BRME1: variants seen among roughly 807,000 people sequenced by gnomAD.
BRME1 encodes BRCA2 and MEILB2-associating protein 1.
BRME1 carries 31 observed loss-of-function variants against 52.6 expected under a neutral mutation model. The observed-to-expected ratio is 0.59, with a 90% confidence interval of 0.44 to 0.80. The LOEUF is 0.80. Ranked by LOEUF, BRME1 falls within the 30% of genes least tolerant of loss-of-function variation. The pLI is 0.00. For missense variants in BRME1, 804 were observed against 860.3 expected (o/e 0.93, Z 0.82); for synonymous variants, 359 against 353.6 (o/e 1.02, Z -0.17).
intron 3 of BRME1, among the ~76,000 whole-genome samples, chr19:13,893,760 T>C (rs1969685641): frequency 6.6e-6 from 1 of 151,800 alleles, no homozygotes; most frequent in African/African-American, 2.4e-5. Flanking sequence ...CTACAAAAAA[T>C]TTAAAAATTA....
At chr19:13,900,760 C>T (rs1278251991) in intron 2 of BRME1, among the ~76,000 whole-genome samples, 1 of 151,758 alleles carries the variant, frequency 6.6e-6, no homozygotes, top group South Asian at 2.1e-4. Context: ...AATCTCAGCT[C>T]TCCTGGGCTC....
In BRME1 at chr19:13,888,246, A is replaced by T. The variant is rs986292932; in HGVS notation, c.1668+942T>A. On this transcript the variant is annotated intron_variant, in intron 6 of 8. Coordinates refer to ENST00000586783, the MANE Select transcript of BRME1 (RefSeq NM_001345843.2). The surrounding 1 kb of genome is among the most constrained non-coding windows in gnomAD (Gnocchi z 4.1). Reference sequence around the variant, plus strand: ...TTTTTTAACATCTCAACACAGGGACAGCCAAAGAAACAGAGGCTGACATTT... The same window carrying T: ...TTTTTTAACATCTCAACACAGGGACTGCCAAAGAAACAGAGGCTGACATTT... The T allele has an allele frequency of 6.6e-6, 1 of 151,580 alleles. No homozygotes were observed. Among genetic ancestry groups the T allele is most frequent in the Non-Finnish European group, 1.5e-5 (1 of 67,946 alleles). The allele number at this position is 151,580 out of a possible 1,614,324, so 9.4% of individuals were successfully genotyped here.
chr19:13,891,696 T>C (rs1485788733), intron 5 of BRME1, among the ~76,000 whole-genome samples: 1 of 147,852 alleles, frequency 6.8e-6, no homozygotes, highest in East Asian at 2.1e-4. Context: ...CTTGAATGCC[T>C]GGGCTCAAGT....
chr19:13,882,538 C>T lies in BRME1; in HGVS notation c.*264G>A. 1 of 538,694 alleles carries T rather than the reference C, an allele frequency of 1.9e-6. No homozygotes were observed. Among genetic ancestry groups the T allele is most frequent in the Non-Finnish European group, 3.2e-6 (1 of 308,598 alleles). The allele number at this position is 538,694 out of a possible 1,614,324, so 33.4% of individuals were successfully genotyped here. A position where few individuals can be genotyped will look rare whatever the true frequency, so the allele number is the denominator to read the frequency against. On this transcript the variant is annotated 3_prime_UTR_variant, in exon 9 of 9. Coordinates refer to ENST00000586783, the MANE Select transcript of BRME1 (RefSeq NM_001345843.2). ...ATGGGCCCTGCTCAGAGGTGGCCAG[C>T]TTCCTGGAGCCCAGGCCCGCTTGAA...
At chr19:13,890,682 T>C (rs2145156051) in intron 5 of BRME1, among the ~76,000 whole-genome samples, 1 of 152,162 alleles carries the variant, frequency 6.6e-6, no homozygotes, top group South Asian at 2.1e-4. Flanking sequence ...CTGGCCAAAA[T>C]GGTGAAACCC....
chr19:13,886,154 G>A (rs1000566290), intron 6 of BRME1, 99 bp from the exon 7 acceptor site: 12 of 949,806 alleles, frequency 1.3e-5, no homozygotes, highest in Admixed American at 2.1e-5. Flanking sequence ...GCTTCACCGC[G>A]GCCACAGCAG....
chr19:13,890,834 A>G (rs1243659669), intron 5 of BRME1, among the ~76,000 whole-genome samples: 1 of 152,084 alleles, frequency 6.6e-6, no homozygotes, highest in Non-Finnish European at 1.5e-5. Flanking sequence ...ACTGCACTCC[A>G]GCCTGGACGA....
chr19:13,889,683 A>G lies in BRME1; in HGVS notation c.1173T>C (p.Thr391=), dbSNP rs777989654. 6.2e-7 allele frequency: 1 copy of G among 1,610,208 alleles called. No homozygotes were observed. Among genetic ancestry groups the G allele is most frequent in the South Asian group, 1.1e-5 (1 of 90,822 alleles). The change falls in exon 6 of 9, where the codon ACT becomes ACC. Residue 391 remains threonine (T), a synonymous_variant. Coordinates refer to ENST00000586783, the MANE Select transcript of BRME1 (RefSeq NM_001345843.2). ...CCCCACTTTCTCCTGTGGTTTCCCC[A>G]GTGAGCGAGGTGCAGCCTGGCAAGG... ...RRALPGCTSL[T]GETTGESGEA...
In BRME1 at chr19:13,891,169, G is replaced by T. The variant is rs926509510; in HGVS notation, c.394-707C>A. ...ATTATTATTATTATTATTATTATTA[G>T]ACAGAGTTTCACTCTTGTTGCCCAG... is the stretch of plus-strand genomic sequence containing the variant. On this transcript the variant is annotated intron_variant, in intron 5 of 8. Transcript: ENST00000586783. Among the ~76,000 whole-genome samples, 8 of 98,386 alleles carry T rather than the reference G, an allele frequency of 8.1e-5. No individual in the cohort carries two copies. The South Asian group carries it at 1.3e-3, about 16-fold the overall frequency. 64.5% of individuals were successfully genotyped at this position (98,386 alleles called of 152,430 possible).
rs750773328 is a variant in BRME1, at chr19:13,893,206, G to A, written c.224C>T (p.Thr75Ile). Residue 75 changes from threonine to isoleucine, a missense_variant, in exon 4 of 9, where the codon ACA becomes ATA. Thr to Ile is a moderately conservative substitution (Grantham distance 89, BLOSUM62 -1). This residue lies in a region of BRME1 where 234 missense variants were observed against 258.1 expected (regional missense o/e 0.91). Coordinates refer to ENST00000586783, the MANE Select transcript of BRME1 (RefSeq NM_001345843.2). ...ACGGAGGAGCCGGCAGGGAGATCCT[G>A]TTTCCTCATCAGGGGAGCTATGTAG... ...KAVSSSPDEE[T>I]GSPCRLLRQP... 5.0e-6 allele frequency: 8 copies of A among 1,585,854 alleles called. 1 individual carries two copies. In the South Asian group the frequency reaches 9.3e-5, roughly 18 times the overall value.
chr19:13,897,991 T>C (rs1311539489), intron 2 of BRME1, among the ~76,000 whole-genome samples: 1 of 151,616 alleles, frequency 6.6e-6, no homozygotes, highest in Admixed American at 6.6e-5. Context: ...CCCAGCTACT[T>C]GGGAGGCTGA....
Position 13,886,072 on chromosome 19 carries a change from A to G in BRME1, c.1669-17T>C, listed in dbSNP as rs1176543699. The G allele has an allele frequency of 1.9e-6, 3 of 1,611,506 alleles. No individual in the cohort carries two copies. The highest frequency in any genetic ancestry group is 4.5e-5 in the East Asian group (2 of 44,872). On this transcript the variant is annotated splice_polypyrimidine_tract_variant and intron_variant, in intron 6 of 8. Transcript: ENST00000586783. ...AGGAAAGAGCTGGAAAGAGAGCACA[A>G]GGTGTGAGTGGTCGAGGCCTGGGTC...
intron 6 of BRME1, among the ~76,000 whole-genome samples, chr19:13,887,183 C>G (rs998105599): frequency 6.6e-6 from 1 of 152,228 alleles, no homozygotes; most frequent in Non-Finnish European, 1.5e-5. Context: ...GCTGAGACGG[C>G]CCGCTCGATC....
At chr19:13,892,718 G>A in intron 5 of BRME1, 68 bp downstream of exon 5, 1 of 1,310,738 alleles carries the variant, frequency 7.6e-7, no homozygotes, top group Non-Finnish European at 1.1e-6. Flanking sequence ...GGTTAAATGG[G>A]GCTGCCGAGG....
At position 13,889,850 on chromosome 19, in the gene BRME1, T is replaced by C; in HGVS notation, c.1006A>G (p.Met336Val). The change falls in exon 6 of 9, where the codon ATG becomes GTG. Residue 336 changes from methionine (M) to valine (V), a missense_variant. Physicochemically the swap from Met to Val is conservative, Grantham distance 21. Transcript: ENST00000586783. ...GTGCTCAGGTCTGCGATGACAACCA[T>C]CCCGAGGGAGGAGCATCCCAGGCTG... ...HSSLGCSSLG[M>V]VVIADLSTDP... 6.2e-7 allele frequency: 1 copy of C among 1,613,220 alleles called. No homozygotes were observed. The highest frequency in any genetic ancestry group is 1.3e-5 in the African/African-American group (1 of 75,044).
chr19:13,884,343 C>T (rs555896033), intron 7 of BRME1, among the ~76,000 whole-genome samples: 1 of 151,214 alleles, frequency 6.6e-6, no homozygotes, highest in East Asian at 1.9e-4. Context: ...AAAAAATATC[C>T]CGCCAGGCAC....
chr19:13,904,316 A>G (rs777871242), intron 2 of BRME1, among the ~76,000 whole-genome samples: 2 of 152,156 alleles, frequency 1.3e-5, no homozygotes, highest in South Asian at 2.1e-4. Flanking sequence ...TATGTTGCCC[A>G]GGCTGGTCTT....
chr19:13,890,665 G>A (rs999475971), intron 5 of BRME1, among the ~76,000 whole-genome samples: 1 of 152,132 alleles, frequency 6.6e-6, no homozygotes, highest in African/African-American at 2.4e-5. Flanking sequence ...AGGAGTTCAA[G>A]ATCAGCCTGG....
At chr19:13,884,210 C>A (rs550928219) in intron 7 of BRME1, among the ~76,000 whole-genome samples, 3 of 152,204 alleles carry the variant, frequency 2.0e-5, no homozygotes, top group African/African-American at 7.2e-5. Context: ...CATAGTGGTG[C>A]GCGCCTGTAG....
Sources: gnomAD v4.1 joint callset for allele counts (sites outside exome capture counted in the v4.1 genomes callset) on GRCh38, gnomAD v4.1.1 for gene constraint, gnomAD v4.1.1 regional missense constraint, Gnocchi (gnomAD v3.1) non-coding constraint, MANE v1.5 for transcripts, NCBI Gene and HGNC (gene_info 2026-07-23, HGNC 2026-07-21) for gene names.